RFX4: variants seen among roughly 807,000 people sequenced by gnomAD.
The protein encoded by RFX4 is regulatory factor X4.
Under a neutral mutation model 95.0 loss-of-function variants are expected in RFX4, and 10 were observed. That is an observed-to-expected ratio of 0.11 (90% CI 0.06 to 0.18). The LOEUF (loss-of-function observed/expected upper bound fraction) is 0.18, where lower values mean the gene tolerates loss of function less well. RFX4 is among the 10% of genes least tolerant of loss of function. The pLI is 1.00. For missense variants in RFX4, 640 were observed against 922.0 expected (o/e 0.69, Z 3.96); for synonymous variants, 321 against 340.7 (o/e 0.94, Z 0.64).
At chr12:106,661,652 T>C (rs900693750) in intron 4 of RFX4, among the ~76,000 whole-genome samples, 3 of 152,246 alleles carry the variant, frequency 2.0e-5, no homozygotes, top group Non-Finnish European at 4.4e-5. Flanking sequence ...TAATAACATG[T>C]ATCCATTGTT....
chr12:106,661,260 C>T (rs140611166), intron 4 of RFX4, among the ~76,000 whole-genome samples: 1 of 152,328 alleles, frequency 6.6e-6, no homozygotes, highest in African/African-American at 2.4e-5. Context: ...AACTAGAAAT[C>T]ATAAAATAGC....
chr12:106,588,828 G>A (rs189112911), intron 1 of RFX4, among the ~76,000 whole-genome samples: 35 of 152,280 alleles, frequency 2.3e-4, no homozygotes, highest in Admixed American at 1.1e-3. Flanking sequence ...CTCCATGAGC[G>A]TGGCATTATT....
intron 1 of RFX4, among the ~76,000 whole-genome samples, chr12:106,595,681 T>C (rs905732825): frequency 1.3e-5 from 2 of 152,228 alleles, no homozygotes; most frequent in Non-Finnish European, 2.9e-5. Flanking sequence ...CTTACAGACA[T>C]GATTTCACTT....
intron 5 of RFX4, chr12:106,685,035 T>A (rs1002880062): frequency 1.3e-6 from 2 of 1,512,132 alleles, no homozygotes; most frequent in Non-Finnish European, 1.8e-6. Context: ...ACTTTCATTG[T>A]ATCTCCATGG....
chr12:106,624,696 C>A (rs2040255700), intron 2 of RFX4, among the ~76,000 whole-genome samples: 1 of 151,968 alleles, frequency 6.6e-6, no homozygotes, highest in Non-Finnish European at 1.5e-5. Flanking sequence ...AAGGAATAGA[C>A]CATATGTGGC....
At chr12:106,659,527 A>G (rs2137333713) in intron 4 of RFX4, among the ~76,000 whole-genome samples, 1 of 152,350 alleles carries the variant, frequency 6.6e-6, no homozygotes, top group South Asian at 2.1e-4. Flanking sequence ...AGAAGTGTCT[A>G]GCTCTGTCTA....
intron 4 of RFX4, 83 bp downstream of exon 4, chr12:106,654,434 T>C: frequency 2.1e-6 from 3 of 1,431,846 alleles, no homozygotes; most frequent in Non-Finnish European, 2.8e-6. Context: ...ATTTTAGTTA[T>C]TTTTTTTAAG....
intron 17 of RFX4, among the ~76,000 whole-genome samples, chr12:106,758,956 A>G (rs990828305): frequency 5.3e-5 from 8 of 152,318 alleles, no homozygotes; most frequent in Non-Finnish European, 1.0e-4. Flanking sequence ...TAACGTCCCA[A>G]TGTTCATTTG....
At chr12:106,673,651 C>T (rs2041333759) in intron 4 of RFX4, among the ~76,000 whole-genome samples, 2 of 152,166 alleles carry the variant, frequency 1.3e-5, no homozygotes, top group African/African-American at 4.8e-5. Context: ...GCAGCTCCAC[C>T]TTTGAGAAAC....
chr12:106,691,802 G>A (rs143658441), intron 7 of RFX4, among the ~76,000 whole-genome samples: 5 of 152,284 alleles, frequency 3.3e-5, no homozygotes, highest in African/African-American at 7.2e-5. Flanking sequence ...GTGAATGAGT[G>A]GATGAATGGA....
intron 13 of RFX4, among the ~76,000 whole-genome samples, chr12:106,727,694 A>G (rs909927477): frequency 6.6e-6 from 1 of 151,782 alleles, no homozygotes; most frequent in Non-Finnish European, 1.5e-5. Context: ...ACCTCAGCTC[A>G]CTGCAACCTC....
chr12:106,703,919 A>G (rs1010672702), intron 8 of RFX4, among the ~76,000 whole-genome samples: 10 of 152,184 alleles, frequency 6.6e-5, no homozygotes, highest in African/African-American at 2.2e-4. Flanking sequence ...TACAAAAATT[A>G]GCTGGGCGTG....
At chr12:106,716,741 C>A (rs1223959000) in intron 11 of RFX4, among the ~76,000 whole-genome samples, 1 of 152,058 alleles carries the variant, frequency 6.6e-6, no homozygotes, top group East Asian at 1.9e-4. Flanking sequence ...TTATTGACTG[C>A]CTATTCTAAG....
chr12:106,722,998 G>A (rs1187589415), intron 13 of RFX4, among the ~76,000 whole-genome samples: 4 of 152,156 alleles, frequency 2.6e-5, no homozygotes, highest in Admixed American at 6.5e-5. Context: ...GGTCCTTGTC[G>A]CTGTGAATGG....
intron 8 of RFX4, among the ~76,000 whole-genome samples, chr12:106,697,632 C>T (rs980511424): frequency 6.6e-6 from 1 of 152,024 alleles, no homozygotes; most frequent in African/African-American, 2.4e-5. Flanking sequence ...AGAGTATGTG[C>T]CATGCCTGTC....
At chr12:106,664,353 A>T (rs868540549) in intron 4 of RFX4, among the ~76,000 whole-genome samples, 51 of 151,872 alleles carry the variant, frequency 3.4e-4, no homozygotes, top group Admixed American at 3.3e-3. Flanking sequence ...AGTTATTTAT[A>T]GTATTCCTTT....
intron 8 of RFX4, among the ~76,000 whole-genome samples, chr12:106,702,830 G>A (rs2042016516): frequency 6.6e-6 from 1 of 152,204 alleles, no homozygotes; most frequent in Non-Finnish European, 1.5e-5. Flanking sequence ...CCATAAGGGA[G>A]AAAGGTCTTG....
chr12:106,758,735 C>T (rs1162497339), intron 17 of RFX4, among the ~76,000 whole-genome samples: 2 of 152,228 alleles, frequency 1.3e-5, no homozygotes, highest in Admixed American at 6.5e-5. Context: ...TGCTCTCCTG[C>T]TCCTGGGTAA....
At position 106,657,500 on chromosome 12, in the gene RFX4, C is replaced by G. The variant is rs939429980; in HGVS notation, c.315+3149C>G. Among the ~76,000 whole-genome samples, 13 of 152,274 alleles carry G rather than the reference C, an allele frequency of 8.5e-5. No individual in the cohort carries two copies. The East Asian group carries it at 2.5e-3, about 29-fold the overall frequency. Reference sequence around the variant, plus strand: ...TGTGGCCAAGCCCCAAAAACACCGGCTTCCAGTAATGCTGTATTGACTTTG... The same window carrying G: ...TGTGGCCAAGCCCCAAAAACACCGGGTTCCAGTAATGCTGTATTGACTTTG... On this transcript the variant is annotated intron_variant, in intron 4 of 17. Transcript: ENST00000392842.
Sources: gnomAD v4.1 joint callset for allele counts (sites outside exome capture counted in the v4.1 genomes callset) on GRCh38, gnomAD v4.1.1 for gene constraint, MANE v1.5 for transcripts, NCBI Gene and HGNC (gene_info 2026-07-23, HGNC 2026-07-21) for gene names.